CDH13: variants seen among roughly 807,000 people sequenced by gnomAD.
CDH13 encodes cadherin-13.
CDH13 carries 24 observed loss-of-function variants against 63.8 expected under a neutral mutation model. The ratio of observed to expected loss-of-function variants is 0.38; its 90% confidence interval spans 0.27 to 0.53. The LOEUF is 0.53. Among genes scored for constraint, CDH13 ranks in the 20% least tolerant of loss-of-function variants. CDH13 has a pLI of 0.85. For synonymous variants in CDH13, 503 were observed against 355.3 expected (o/e 1.42, Z -4.67); for missense variants, 1,049 against 903.1 (o/e 1.16, Z -2.07).
intron 2 of CDH13, among the ~76,000 whole-genome samples, chr16:82,978,749 C>T (rs1009158693): frequency 1.3e-5 from 2 of 152,264 alleles, no homozygotes; most frequent in African/African-American, 4.8e-5. Flanking sequence ...CATGGAGAAC[C>T]TCTGCTAGAG....
chr16:83,056,875 G>A (rs944246484), intron 3 of CDH13, among the ~76,000 whole-genome samples: 2 of 152,174 alleles, frequency 1.3e-5, no homozygotes, highest in African/African-American at 4.8e-5. Flanking sequence ...TGTAGGATGT[G>A]CCTTTGCTCA....
chr16:83,245,310 G>C lies in CDH13; in HGVS notation c.636+27813G>C, dbSNP rs1378678302. ...AAGTTCTCGTGGGGAAATGACATCA[G>C]TCCTATTCAATGTAGCATTAAATGC... On this transcript the variant is annotated intron_variant, in intron 5 of 13. Coordinates refer to ENST00000567109, the MANE Select transcript of CDH13 (RefSeq NM_001257.5). Among the ~76,000 whole-genome samples, 3 of 152,288 alleles carry C rather than the reference G, an allele frequency of 2.0e-5. No individual in the cohort carries two copies. The East Asian group carries it at 5.8e-4, about 29-fold the overall frequency.
At chr16:83,564,969 C>G (rs2075767545) in intron 7 of CDH13, among the ~76,000 whole-genome samples, 1 of 152,158 alleles carries the variant, frequency 6.6e-6, no homozygotes, top group Non-Finnish European at 1.5e-5. Flanking sequence ...CAGTTAGAAG[C>G]AGTGTCATTC....
At chr16:83,134,544 G>GGAGAGAGAGAGAGAGAGAGA (rs67135267) in intron 4 of CDH13, among the ~76,000 whole-genome samples, 1 of 84,334 alleles carries the variant, frequency 1.2e-5, no homozygotes, top group Non-Finnish European at 2.2e-5. Context: ...TGGGGTGGGG[G>GGAGAGAGAGAGAGAGAGAGA]GAGAGAGAGA....
intron 7 of CDH13, among the ~76,000 whole-genome samples, chr16:83,534,722 A>G (rs1256307033): frequency 6.6e-6 from 1 of 152,194 alleles, no homozygotes; most frequent in Admixed American, 6.5e-5. Flanking sequence ...CTATCCTTTC[A>G]CTGATGGACA....
intron 7 of CDH13, among the ~76,000 whole-genome samples, chr16:83,559,158 T>G (rs4238696): frequency 6.6e-6 from 1 of 152,096 alleles, no homozygotes; most frequent in Non-Finnish European, 1.5e-5. Flanking sequence ...GACTGTATTC[T>G]GAAAAGTTAA....
chr16:83,028,444 G>T (rs941001703), intron 2 of CDH13, among the ~76,000 whole-genome samples: 1 of 152,122 alleles, frequency 6.6e-6, no homozygotes, highest in Non-Finnish European at 1.5e-5. Flanking sequence ...CGATCAAAAG[G>T]CACCGCAGCG....
At chr16:83,292,886 G>A (rs1384516182) in intron 5 of CDH13, among the ~76,000 whole-genome samples, 1 of 152,078 alleles carries the variant, frequency 6.6e-6, no homozygotes, top group African/African-American at 2.4e-5. Context: ...TGAAACCAAT[G>A]AATTTGCTTT....
intron 3 of CDH13, among the ~76,000 whole-genome samples, chr16:83,110,716 A>G (rs1437110796): frequency 1.3e-5 from 2 of 152,084 alleles, no homozygotes; most frequent in South Asian, 2.1e-4. Context: ...ACATCTCTGG[A>G]TCCAACCAGC....
intron 3 of CDH13, among the ~76,000 whole-genome samples, chr16:83,087,259 T>C (rs924024159): frequency 6.6e-6 from 1 of 152,168 alleles, no homozygotes; most frequent in Non-Finnish European, 1.5e-5. Context: ...TTGAGAAACA[T>C]TGGATGAACA....
At chr16:82,800,820 G>C (rs1170164754) in intron 1 of CDH13, among the ~76,000 whole-genome samples, 1 of 152,204 alleles carries the variant, frequency 6.6e-6, no homozygotes, top group South Asian at 2.1e-4. Flanking sequence ...GAGAAATCTG[G>C]AGTCATGTTG....
intron 5 of CDH13, among the ~76,000 whole-genome samples, chr16:83,321,559 C>T (rs1315579118): frequency 2.5e-5 from 3 of 118,200 alleles, no homozygotes; most frequent in East Asian, 2.7e-4. Context: ...GACGGAGTCT[C>T]ACTCTGTCGC....
chr16:82,950,585 G>A lies in CDH13; in HGVS notation c.158-81425G>A, dbSNP rs141173973. On this transcript the variant is annotated intron_variant, in intron 2 of 13. Transcript: ENST00000567109. ...GCTGCTGATGTAAGATGTGCCTTTC[G>A]CCTTTCACCATGATTGTGAGGCCTC... Among the ~76,000 whole-genome samples, 1,179 of 152,080 alleles carry A rather than the reference G, an allele frequency of 7.8e-3. 19 individuals are homozygous for A. The highest frequency in any genetic ancestry group is 0.027 in the African/African-American group (1,101 of 41,494).
intron 6 of CDH13, among the ~76,000 whole-genome samples, chr16:83,379,566 G>T (rs1429845655): frequency 6.6e-6 from 1 of 152,132 alleles, no homozygotes; most frequent in Non-Finnish European, 1.5e-5. Context: ...CCCATGGTAT[G>T]CACAACTTGA....
chr16:83,123,329 G>C (rs890658635), intron 3 of CDH13, among the ~76,000 whole-genome samples: 3 of 151,760 alleles, frequency 2.0e-5, no homozygotes, highest in Non-Finnish European at 4.4e-5. Flanking sequence ...GCCCAGGCTG[G>C]AGTGCAATGG....
intron 6 of CDH13, among the ~76,000 whole-genome samples, chr16:83,447,558 CG>C (rs1214439248): frequency 1.3e-5 from 2 of 151,920 alleles, no homozygotes; most frequent in Non-Finnish European, 2.9e-5. Context: ...TTGAGCTGGG[CG>C]GGGCAGATGA....
chr16:83,346,283 C>T (rs1183713251), intron 6 of CDH13, among the ~76,000 whole-genome samples: 3 of 152,126 alleles, frequency 2.0e-5, no homozygotes, highest in African/African-American at 7.2e-5. Flanking sequence ...GCAGACAATC[C>T]ACGTGGCCCC....
chr16:83,114,059 C>T (rs1284697713), intron 3 of CDH13, among the ~76,000 whole-genome samples: 2 of 152,148 alleles, frequency 1.3e-5, no homozygotes, highest in Non-Finnish European at 2.9e-5. Flanking sequence ...AAAACTGTTA[C>T]TTCTGTTCTC....
intron 11 of CDH13, among the ~76,000 whole-genome samples, chr16:83,755,619 T>G (rs558989345): frequency 6.6e-6 from 1 of 152,180 alleles, no homozygotes; most frequent in Admixed American, 6.5e-5. Context: ...GACTTCTAGA[T>G]AGAAATAATG....
Sources: gnomAD v4.1 joint callset for allele counts (sites outside exome capture counted in the v4.1 genomes callset) on GRCh38, gnomAD v4.1.1 for gene constraint, MANE v1.5 for transcripts, NCBI Gene and HGNC (gene_info 2026-07-23, HGNC 2026-07-21) for gene names.